The following SLC25A48 variants were observed in gnomAD, a reference collection of about 807,000 sequenced individuals.
The protein encoded by SLC25A48 is CTC-321K16.1.
Under a neutral mutation model 32.2 loss-of-function variants are expected in SLC25A48, and 29 were observed. That is an observed-to-expected ratio of 0.90 (90% CI 0.67 to 1.23). SLC25A48 has a LOEUF of 1.23. Among genes scored for constraint, SLC25A48 ranks in the 50% most tolerant of loss-of-function variants. The probability of loss-of-function intolerance (pLI) is 0.00; values close to 1 mark genes in which losing one functional copy is unlikely to be tolerated. For missense variants in SLC25A48, 399 were observed against 422.7 expected, an observed-to-expected ratio of 0.94 and a Z score of 0.49; for synonymous variants, 164 against 172.3, an observed-to-expected ratio of 0.95 and a Z score of 0.38.
chr5:135,611,025 G>C (rs1752051944), intron 1 of SLC25A48, among the ~76,000 whole-genome samples: 1 of 152,206 alleles, frequency 6.6e-6, no homozygotes, highest in South Asian at 2.1e-4. Flanking sequence ...ATTAATAAAG[G>C]TGGGAGTGTT....
At chr5:135,686,761 G>T (rs1256047181) in intron 3 of SLC25A48, among the ~76,000 whole-genome samples, 1 of 152,170 alleles carries the variant, frequency 6.6e-6, no homozygotes, top group Non-Finnish European at 1.5e-5. Flanking sequence ...GGATGGGAAG[G>T]GATGGATAGA....
intron 3 of SLC25A48, among the ~76,000 whole-genome samples, chr5:135,686,812 A>G (rs908801591): frequency 6.6e-6 from 1 of 152,242 alleles, no homozygotes; most frequent in Non-Finnish European, 1.5e-5. Context: ...GTATGGAAGT[A>G]TGGGTGGATG....
At chr5:135,801,946 C>A (rs1360369895) in intron 3 of SLC25A48, among the ~76,000 whole-genome samples, 1 of 151,756 alleles carries the variant, frequency 6.6e-6, no homozygotes, top group South Asian at 2.1e-4. Context: ...GATGATATTA[C>A]TCCCAATATT....
At chr5:135,696,199 CA>C (rs1452624626) in intron 3 of SLC25A48, among the ~76,000 whole-genome samples, 2 of 152,318 alleles carry the variant, frequency 1.3e-5, no homozygotes, top group African/African-American at 4.8e-5. Flanking sequence ...GCAGCAAGAC[CA>C]CCAGGTAGGG....
intron 2 of SLC25A48, 92 bp from the exon 3 acceptor site, chr5:135,850,333 C>T (rs1759742630): frequency 1.5e-6 from 2 of 1,328,088 alleles, no homozygotes; most frequent in African/African-American, 1.4e-5. Flanking sequence ...GCGGGGGTCA[C>T]TATGAGCAGG....
chr5:135,782,233 G>A (rs1756732487), intron 3 of SLC25A48, among the ~76,000 whole-genome samples: 1 of 116,618 alleles, frequency 8.6e-6, no homozygotes, highest in African/African-American at 2.6e-5. Context: ...ATCCAGGGAG[G>A]GAGAGGATGA....
At chr5:135,798,434 G>A (rs1205621295) in intron 3 of SLC25A48, among the ~76,000 whole-genome samples, 1 of 151,344 alleles carries the variant, frequency 6.6e-6, no homozygotes, top group Non-Finnish European at 1.5e-5. Flanking sequence ...TCCAGAAGGG[G>A]AGAAAATGAT....
At chr5:135,858,872 G>A (rs1760551868) in intron 4 of SLC25A48, among the ~76,000 whole-genome samples, 1 of 152,232 alleles carries the variant, frequency 6.6e-6, no homozygotes, top group Admixed American at 6.5e-5. Context: ...CTGTGGGATC[G>A]GGCTGCCCCC....
intron 4 of SLC25A48, among the ~76,000 whole-genome samples, chr5:135,867,601 G>A (rs1200353386): frequency 6.6e-6 from 1 of 152,156 alleles, no homozygotes; most frequent in Non-Finnish European, 1.5e-5. Context: ...AGGCTCTTCT[G>A]TTTATTCATC....
chr5:135,879,611 AGTGT>A lies in SLC25A48; in HGVS notation c.814-328_814-325del, dbSNP rs775091968. On this transcript the variant is annotated intron_variant, in intron 6 of 7. Transcript: ENST00000681962. ...GAGAGAGAGAGAGAGAGAGAGAGAG[AGTGT>A]GTGTGTGTGTGTGTGTGTGTGTGTG... 9.3e-3 allele frequency among the ~76,000 whole-genome samples: 1,106 copies of A among 119,466 alleles called. 21 individuals are homozygous for A. Among genetic ancestry groups the A allele is most frequent in the African/African-American group, 0.039 (996 of 25,496 alleles). The allele number at this position is 119,466 out of a possible 152,430, so 78.4% of individuals were successfully genotyped here. A position where few individuals can be genotyped will look rare whatever the true frequency, so the allele number is the denominator to read the frequency against.
intron 3 of SLC25A48, among the ~76,000 whole-genome samples, chr5:135,740,761 CTCTG>C (rs1755482729): frequency 6.6e-6 from 1 of 152,166 alleles, no homozygotes; most frequent in African/African-American, 2.4e-5. Context: ...CTGGGGTGGA[CTCTG>C]TCAGAAAAGC....
intron 1 of SLC25A48, among the ~76,000 whole-genome samples, chr5:135,595,035 C>G (rs1281770937): frequency 6.6e-6 from 1 of 152,194 alleles, no homozygotes; most frequent in African/African-American, 2.4e-5. Context: ...CGATCTGAGG[C>G]TAGGCCTGCT....
chr5:135,608,627 T>A (rs1035762704), intron 1 of SLC25A48, among the ~76,000 whole-genome samples: 5 of 152,160 alleles, frequency 3.3e-5, no homozygotes, highest in African/African-American at 1.2e-4. Context: ...AGCATGCAGG[T>A]CAGTCGTGCC....
intron 1 of SLC25A48, among the ~76,000 whole-genome samples, chr5:135,592,936 G>A (rs768008997): frequency 2.0e-5 from 3 of 152,138 alleles, no homozygotes; most frequent in East Asian, 3.9e-4. Flanking sequence ...AGACAGAGAC[G>A]CTTGGTATAA....
chr5:135,710,213 A>C (rs1754620480), intron 3 of SLC25A48, among the ~76,000 whole-genome samples: 1 of 152,248 alleles, frequency 6.6e-6, no homozygotes, highest in African/African-American at 2.4e-5. Flanking sequence ...CTCCTGCTGC[A>C]AAGGGCAGCT....
intron 3 of SLC25A48, among the ~76,000 whole-genome samples, chr5:135,800,439 A>C (rs1418738962): frequency 6.6e-6 from 1 of 151,888 alleles, no homozygotes; most frequent in African/African-American, 2.4e-5. Flanking sequence ...AATATCACAG[A>C]AAATGTCCAC....
intron 3 of SLC25A48, among the ~76,000 whole-genome samples, chr5:135,784,389 A>G (rs1450572070): frequency 2.5e-5 from 3 of 117,956 alleles, no homozygotes; most frequent in African/African-American, 7.7e-5. Context: ...AGAGGTTGAT[A>G]TTACTCCCAA....
At chr5:135,695,512 A>G (rs1448241188) in intron 3 of SLC25A48, among the ~76,000 whole-genome samples, 1 of 152,104 alleles carries the variant, frequency 6.6e-6, no homozygotes, top group Non-Finnish European at 1.5e-5. Context: ...GCACAGCCCC[A>G]GTCCTCCTGC....
upstream of SLC25A48, among the ~76,000 whole-genome samples, chr5:135,830,873 C>T (rs758745571): frequency 1.4e-4 from 21 of 152,158 alleles, no homozygotes; most frequent in Non-Finnish European, 2.8e-4. Context: ...ATAGGTCAGA[C>T]GGGTCCTATC....
Sources: gnomAD v4.1 joint callset for allele counts (sites outside exome capture counted in the v4.1 genomes callset) on GRCh38, gnomAD v4.1.1 for gene constraint, MANE v1.5 for transcripts, NCBI Gene and HGNC (gene_info 2026-07-23, HGNC 2026-07-21) for gene names.